DGKE: variants seen among roughly 807,000 people sequenced by gnomAD.
DGKE encodes diacylglycerol kinase epsilon, also known as DAG kinase epsilon.
A neutral mutation model predicts 70.0 loss-of-function variants in DGKE; 53 were observed. The ratio of observed to expected loss-of-function variants is 0.76; its 90% confidence interval spans 0.61 to 0.95. The LOEUF (loss-of-function observed/expected upper bound fraction) is 0.95. DGKE is among the 40% of genes least tolerant of loss of function. The probability of loss-of-function intolerance (pLI) is 0.00; values close to 1 mark genes in which losing one functional copy is unlikely to be tolerated. For missense variants in DGKE, 655 were observed against 706.9 expected, an observed-to-expected ratio of 0.93 and a Z score of 0.83; for synonymous variants, 291 against 257.0, an observed-to-expected ratio of 1.13 and a Z score of -1.27.
At chr17:56,856,353 C>G (rs1907948922) in intron 7 of DGKE, among the ~76,000 whole-genome samples, 159 bp from the exon 8 acceptor site, 1 of 152,128 alleles carries the variant, frequency 6.6e-6, no homozygotes, top group African/African-American at 2.4e-5. Flanking sequence ...AGCTTTATTT[C>G]TGGTAACTTC....
At position 56,835,456 on chromosome 17, in the gene DGKE, GC is replaced by G. The variant is rs1906552749; in HGVS notation, c.464+199del. 3 of 609,376 alleles carry G rather than the reference GC, an allele frequency of 4.9e-6. No homozygotes were observed. In the South Asian group the frequency reaches 6.5e-5, roughly 13 times the overall value. The allele number at this position is 609,376 out of a possible 1,614,324, so 37.7% of individuals were successfully genotyped here. ...GTCATTTGCTGAGACGATGCATCCA[GC>G]CTCCACTCCTCAGCCAGCCTGCCCT... On this transcript the variant is annotated intron_variant, in intron 2 of 11. Transcript: ENST00000284061.
intron 7 of DGKE, 31 bp downstream of exon 7, chr17:56,849,263 T>G: frequency 6.3e-7 from 1 of 1,597,034 alleles, no homozygotes; most frequent in Non-Finnish European, 8.5e-7. Context: ...TTGCAAGTGG[T>G]TTCAGCTTCA....
In DGKE at chr17:56,866,931, CA is replaced by C. The variant is rs1376648114; in HGVS notation, c.*4141del. On this transcript the variant is annotated 3_prime_UTR_variant, in exon 12 of 12. Transcript: ENST00000284061. ...AGAAACTTCGTGTTTTTTTGGTGGA[CA>C]GAATATTTTGGAGGTCTCCGTCGCT... The C allele has an allele frequency of 6.6e-6, 1 of 152,108 alleles. No individual in the cohort carries two copies. The highest frequency in any genetic ancestry group is 2.4e-5 in the African/African-American group (1 of 41,426). 9.4% of individuals were successfully genotyped at this position (152,108 alleles called of 1,614,324 possible). A position where few individuals can be genotyped will look rare whatever the true frequency, so the allele number is the denominator to read the frequency against.
chr17:56,855,050 T>C (rs1733204340), intron 7 of DGKE, among the ~76,000 whole-genome samples: 1 of 152,142 alleles, frequency 6.6e-6, no homozygotes, highest in Admixed American at 6.5e-5. Context: ...GATGAAGGCC[T>C]TGTCCTTATG....
intron 9 of DGKE, among the ~76,000 whole-genome samples, chr17:56,859,393 G>C (rs1908149058): frequency 6.6e-6 from 1 of 151,758 alleles, no homozygotes; most frequent in Non-Finnish European, 1.5e-5. Context: ...ATTGCTTATT[G>C]CAACAGCATC....
intron 5 of DGKE, among the ~76,000 whole-genome samples, 158 bp downstream of exon 5, chr17:56,848,223 A>T (rs1202937601): frequency 6.6e-6 from 1 of 151,960 alleles, no homozygotes; most frequent in African/African-American, 2.4e-5. Flanking sequence ...AGCGGCGCAG[A>T]CACAGCTAAC....
rs182394128 is a variant in DGKE at position 56,840,777 on chromosome 17, C to G, written c.465-3242C>G. The stretch of plus-strand genomic sequence containing the variant: ...CACTGAATTAAAGATGTAACTATGA[C>G]AACTGAACTGGGAGGGGGGGGAATA... On this transcript the variant is annotated intron_variant, in intron 2 of 11. Transcript: ENST00000284061. Among the ~76,000 whole-genome samples the G allele has an allele frequency of 4.3e-3, 647 of 152,032 alleles. 3 individuals carry two copies. Among genetic ancestry groups the G allele is most frequent in the African/African-American group, 0.015 (621 of 41,450 alleles).
In DGKE at chr17:56,848,054, A is replaced by C. The variant is rs369455582; in HGVS notation, c.877A>C (p.Met293Leu). Residue 293 changes from methionine to leucine, a missense_variant, in exon 5 of 12, where the codon ATG becomes CTG. By Grantham distance (15) the Met-to-Leu change is conservative. Transcript: ENST00000284061. ...VGWVLDAVDD[M>L]KIKGQEKYIP... ...GTGGGTCCTGGATGCAGTTGATGACATGAAGATTAAGGTATTAGTCTTTAA... is the reference window on the plus strand; with the variant it reads ...GTGGGTCCTGGATGCAGTTGATGACCTGAAGATTAAGGTATTAGTCTTTAA... The C allele has an allele frequency of 1.1e-5, 18 of 1,565,706 alleles. No homozygotes were observed. The highest frequency in any genetic ancestry group is 1.6e-5 in the Non-Finnish European group (18 of 1,157,076).
rs73994915 is a variant in DGKE, at chr17:56,834,854, G to A, written c.59G>A (p.Gly20Glu). The A allele has an allele frequency of 2.3e-3, 3,744 of 1,612,018 alleles. 70 individuals are homozygous for A. The African/African-American group carries it at 0.044, about 19-fold the overall frequency. Residue 20 changes from glycine (G) to glutamate (E), a missense_variant, in exon 2 of 12, where the codon GGG (glycine) becomes GAG (glutamate). By Grantham distance (98) the Gly-to-Glu change is moderately conservative. Coordinates refer to ENST00000284061, the MANE Select transcript of DGKE (RefSeq NM_003647.3). ...GSPSEGLFAD[G>E]HLILWTLCSV... ...CCCTCCGAGGGCCTGTTTGCGGACG[G>A]GCACCTGATCTTGTGGACGCTGTGC... is the stretch of plus-strand genomic sequence containing the variant.
At chr17:56,850,000 A>G (rs1034096470) in intron 7 of DGKE, among the ~76,000 whole-genome samples, 6 of 152,184 alleles carry the variant, frequency 3.9e-5, no homozygotes, top group Non-Finnish European at 7.3e-5. Flanking sequence ...TGGGATTCAC[A>G]TCCCTATTTA....
intron 8 of DGKE, among the ~76,000 whole-genome samples, chr17:56,857,629 TAA>T (rs1908027187): frequency 6.6e-6 from 1 of 152,232 alleles, no homozygotes; most frequent in Admixed American, 6.5e-5. Flanking sequence ...TTTGTATTCA[TAA>T]GTGATTAGAA....
intron 4 of DGKE, 126 bp from the exon 5 acceptor site, chr17:56,847,796 A>G (rs1208277154): frequency 3.6e-6 from 2 of 557,122 alleles, no homozygotes; most frequent in African/African-American, 1.9e-5. Flanking sequence ...TGCCTGGCAT[A>G]TTGTTAAATA....
intron 9 of DGKE, among the ~76,000 whole-genome samples, chr17:56,859,634 G>T (rs1337426378): frequency 6.6e-6 from 1 of 152,018 alleles, no homozygotes; most frequent in Non-Finnish European, 1.5e-5. Context: ...TAGCCAGGAT[G>T]GTCTCGATCT....
rs368992473 is a variant in DGKE, at chr17:56,843,797, C to CAAAAAA, written c.465-210_465-205dup. Among the ~76,000 whole-genome samples, 12,585 of 108,734 alleles carry CAAAAAA rather than the reference C, an allele frequency of 0.12. 1,378 individuals carry two copies. The highest frequency in any genetic ancestry group is 0.17 in the Non-Finnish European group (9,250 of 53,846). The allele number at this position is 108,734 out of a possible 152,430, so 71.3% of individuals were successfully genotyped here. A position where few individuals can be genotyped will look rare whatever the true frequency, so the allele number is the denominator to read the frequency against. On this transcript the variant is annotated intron_variant, in intron 2 of 11. Coordinates refer to ENST00000284061, the MANE Select transcript of DGKE (RefSeq NM_003647.3). ...TGGTGGACAGAGTGAGACCCTGTCT[C>CAAAAAA]AAAAAAAAAAAAAAAAAGTGCTGTT...
chr17:56,863,965 A>G lies in DGKE; in HGVS notation c.*1174A>G, dbSNP rs1908427133. On this transcript the variant is annotated 3_prime_UTR_variant, in exon 12 of 12. Coordinates refer to ENST00000284061, the MANE Select transcript of DGKE (RefSeq NM_003647.3). ...TTAAAATTCTAATTTAATTCTCCTG[A>G]CAGAAATCTAGATATTCTTATTCTT... 1 of 152,262 alleles carries G rather than the reference A, an allele frequency of 6.6e-6. No homozygotes were observed. The highest frequency in any genetic ancestry group is 2.1e-4 in the South Asian group (1 of 4,834). The allele number at this position is 152,262 out of a possible 1,614,324, so 9.4% of individuals were successfully genotyped here. A position where few individuals can be genotyped will look rare whatever the true frequency, so the allele number is the denominator to read the frequency against.
chr17:56,846,843 A>C (rs1907317222), intron 4 of DGKE, among the ~76,000 whole-genome samples: 1 of 152,128 alleles, frequency 6.6e-6, no homozygotes. Flanking sequence ...TTATCTATGC[A>C]TTTACTTTAC....
intron 9 of DGKE, among the ~76,000 whole-genome samples, chr17:56,858,916 C>G (rs1224930243): frequency 1.3e-5 from 2 of 152,044 alleles, no homozygotes; most frequent in African/African-American, 4.8e-5. Flanking sequence ...AAGTAATTTG[C>G]CCAAATTCTC....
In DGKE at chr17:56,850,664, T is replaced by A. The variant is rs530668217; in HGVS notation, c.1098+1432T>A. Among the ~76,000 whole-genome samples the A allele has an allele frequency of 5.3e-5, 8 of 152,306 alleles. No homozygotes were observed. In the South Asian group the frequency reaches 8.3e-4, roughly 16 times the overall value. ...TTGCCACTGAAATCCCTCTAAAATG[T>A]GCCTCTAAAAGATCTTGTATAGGTC... On this transcript the variant is annotated intron_variant, in intron 7 of 11. Coordinates refer to ENST00000284061, the MANE Select transcript of DGKE (RefSeq NM_003647.3).
Position 56,845,677 on chromosome 17 carries a change from C to A in DGKE, c.625-13C>A, listed in dbSNP as rs189280031. On this transcript the variant is annotated splice_polypyrimidine_tract_variant and intron_variant, in intron 3 of 11. Coordinates refer to ENST00000284061, the MANE Select transcript of DGKE (RefSeq NM_003647.3). Reference sequence around the variant, plus strand: ...AGATACTAAACCTTTTCACTCATGGCAATTTTTTTTAGCTAGCCTCTAAGC... The same window carrying A: ...AGATACTAAACCTTTTCACTCATGGAAATTTTTTTTAGCTAGCCTCTAAGC... The A allele has an allele frequency of 2.9e-4, 457 of 1,600,698 alleles. 1 individual carries two copies. Among genetic ancestry groups the A allele is most frequent in the Non-Finnish European group, 3.2e-4 (374 of 1,175,302 alleles).
Sources: allele counts gnomAD v4.1 joint callset (sites outside exome capture counted in the v4.1 genomes callset), GRCh38; gene constraint gnomAD v4.1.1; transcripts MANE v1.5; gene names NCBI Gene and HGNC (gene_info 2026-07-23, HGNC 2026-07-21).